The following ELAPOR1 variants were observed in gnomAD, a reference collection of about 807,000 sequenced individuals.
ELAPOR1 encodes the protein endosome-lysosome associated apoptosis and autophagy regulator 1.
ELAPOR1 carries 77 observed loss-of-function variants against 119.7 expected under a neutral mutation model. The ratio of observed to expected loss-of-function variants is 0.64; its 90% CI spans 0.54 to 0.78. The LOEUF is 0.78. ELAPOR1 is among the 30% of genes least tolerant of loss of function. The pLI is 0.00. For synonymous variants in ELAPOR1, 481 were observed against 487.2 expected (o/e 0.99, Z 0.17); for missense variants, 1,115 against 1,270.4 (o/e 0.88, Z 1.86).
intron 15 of ELAPOR1, among the ~76,000 whole-genome samples, chr1:109,197,222 G>A (rs377644744): frequency 1.1e-4 from 16 of 151,970 alleles, no homozygotes; most frequent in African/African-American, 3.9e-4. Context: ...AGGAGTTCAA[G>A]GCTTTAGTGA....
intron 1 of ELAPOR1, among the ~76,000 whole-genome samples, chr1:109,152,800 G>T (rs571412): frequency 0.66 from 99,240 of 150,954 alleles, 33,115 homozygotes; most frequent in East Asian, 0.93. Context: ...AAAAAAATTA[G>T]CCAGGCATGG....
intron 1 of ELAPOR1, among the ~76,000 whole-genome samples, chr1:109,121,305 C>T (rs531321610): frequency 1.3e-5 from 2 of 152,070 alleles, no homozygotes; most frequent in South Asian, 2.1e-4. Context: ...TGCCATCACT[C>T]CCGGCTAATT....
At chr1:109,125,686 G>A (rs1267581704) in intron 1 of ELAPOR1, among the ~76,000 whole-genome samples, 2 of 152,114 alleles carry the variant, frequency 1.3e-5, no homozygotes, top group African/African-American at 2.4e-5. Flanking sequence ...GCCCGGCCAA[G>A]CAGTCTGTTT....
In ELAPOR1 at chr1:109,162,970, A is replaced by C. The variant is rs1039895566; in HGVS notation, c.274+956A>C. 4.3e-4 allele frequency among the ~76,000 whole-genome samples: 65 copies of C among 152,372 alleles called. 1 individual carries two copies. Among genetic ancestry groups the C allele is most frequent in the African/African-American group, 1.5e-3 (64 of 41,590 alleles). ...AGGGTGGTGGAAAGTGCAGACATTC[A>C]TTCATTCACTCATTGTTTCAGAAAC... On this transcript the variant is annotated intron_variant, in intron 2 of 21. Coordinates refer to ENST00000369939, the MANE Select transcript of ELAPOR1 (RefSeq NM_020775.5).
chr1:109,128,919 A>C (rs1558018808), intron 1 of ELAPOR1, among the ~76,000 whole-genome samples: 1 of 152,182 alleles, frequency 6.6e-6, no homozygotes, highest in Admixed American at 6.5e-5. Flanking sequence ...TAAATAAGAG[A>C]AATCATCAGT....
chr1:109,163,389 C>A (rs537811787), intron 2 of ELAPOR1, among the ~76,000 whole-genome samples: 1 of 152,058 alleles, frequency 6.6e-6, no homozygotes, highest in African/African-American at 2.4e-5. Context: ...ATAGTACATA[C>A]GTGTTTTACT....
intron 1 of ELAPOR1, among the ~76,000 whole-genome samples, chr1:109,117,186 A>G (rs905287446): frequency 1.3e-5 from 2 of 152,208 alleles, no homozygotes; most frequent in African/African-American, 4.8e-5. Context: ...CTGAAGTGGC[A>G]AAGTGGGAGT....
At chr1:109,142,273 T>C (rs576211949) in intron 1 of ELAPOR1, among the ~76,000 whole-genome samples, 71 of 152,282 alleles carry the variant, frequency 4.7e-4, no homozygotes, top group African/African-American at 1.7e-3. Context: ...AGGACTTTAA[T>C]TGAACTAGAA....
chr1:109,184,694 A>G (rs1230519750), intron 7 of ELAPOR1, among the ~76,000 whole-genome samples: 2 of 152,236 alleles, frequency 1.3e-5, no homozygotes, highest in Non-Finnish European at 2.9e-5. Flanking sequence ...CAGGGAACTT[A>G]GGTTGGCAGT....
intron 1 of ELAPOR1, among the ~76,000 whole-genome samples, chr1:109,133,968 A>C (rs988978113): frequency 1.3e-5 from 2 of 152,182 alleles, no homozygotes; most frequent in Admixed American, 1.3e-4. Context: ...TGAGGTGCTA[A>C]TGTGGACTCC....
chr1:109,138,834 CAAAA>C (rs150398954), intron 1 of ELAPOR1, among the ~76,000 whole-genome samples: 1 of 107,332 alleles, frequency 9.3e-6, no homozygotes. Context: ...AACTCCATCT[CAAAA>C]AAAAAAAAAA....
At chr1:109,183,549 T>TTTCCTTCC (rs1187192136) in intron 7 of ELAPOR1, among the ~76,000 whole-genome samples, 54 of 81,176 alleles carry the variant, frequency 6.7e-4, no homozygotes, top group African/African-American at 2.3e-3. Context: ...CTTTCTTTCT[T>TTTCCTTCC]TTCCTTCCTT....
intron 7 of ELAPOR1, among the ~76,000 whole-genome samples, chr1:109,182,475 A>G (rs1348712515): frequency 6.6e-6 from 1 of 152,152 alleles, no homozygotes; most frequent in Non-Finnish European, 1.5e-5. Context: ...TGTTCTACAG[A>G]TGAGAAGGCT....
chr1:109,149,908 A>G (rs1166106163), intron 1 of ELAPOR1, among the ~76,000 whole-genome samples: 1 of 152,192 alleles, frequency 6.6e-6, no homozygotes, highest in Non-Finnish European at 1.5e-5. Flanking sequence ...GCAACACTTC[A>G]GGAGGCTTTT....
intron 1 of ELAPOR1, among the ~76,000 whole-genome samples, chr1:109,124,806 G>A (rs975027833): frequency 6.6e-5 from 10 of 152,184 alleles, no homozygotes; most frequent in Non-Finnish European, 1.2e-4. Flanking sequence ...AATCCCACCT[G>A]TTTTCAAAAG....
chr1:109,114,315 G>C lies in ELAPOR1; in HGVS notation c.132G>C (p.Pro44=), dbSNP rs949332494. The C allele has an allele frequency of 1.5e-5, 24 of 1,598,534 alleles. No homozygotes were observed. In the Admixed American group the frequency reaches 3.5e-4, roughly 23 times the overall value. The change falls in exon 1 of 22, where the codon CCG becomes CCC. Residue 44 remains proline, a synonymous_variant. Coordinates refer to ENST00000369939, the MANE Select transcript of ELAPOR1 (RefSeq NM_020775.5). Reference sequence around the variant, plus strand: ...TCCAGGTGACCCAGGGAACGGGACCGGAGCTTCATGCCTGCAAAGAGGTAC... The same window carrying C: ...TCCAGGTGACCCAGGGAACGGGACCCGAGCTTCATGCCTGCAAAGAGGTAC... ...TAFQVTQGTG[P]ELHACKESEY...
chr1:109,119,040 G>A (rs1000537930), intron 1 of ELAPOR1, among the ~76,000 whole-genome samples: 7 of 151,616 alleles, frequency 4.6e-5, no homozygotes, highest in Non-Finnish European at 1.5e-5. Context: ...TGGGATTACA[G>A]GTGCCCGCCA....
intron 1 of ELAPOR1, among the ~76,000 whole-genome samples, chr1:109,122,964 T>C (rs1441484375): frequency 1.3e-5 from 2 of 152,162 alleles, no homozygotes; most frequent in Non-Finnish European, 2.9e-5. Context: ...CTGTATTAGT[T>C]AGCTTTTGCT....
intron 1 of ELAPOR1, among the ~76,000 whole-genome samples, chr1:109,136,470 TG>T (rs1366451983): frequency 6.6e-6 from 1 of 152,180 alleles, no homozygotes; most frequent in African/African-American, 2.4e-5. Flanking sequence ...TTTGGGCTTC[TG>T]GCATCCAGAA....
Sources: gnomAD v4.1 joint callset for allele counts (sites outside exome capture counted in the v4.1 genomes callset) on GRCh38, gnomAD v4.1.1 for gene constraint, MANE v1.5 for transcripts, NCBI Gene and HGNC (gene_info 2026-07-23, HGNC 2026-07-21) for gene names.